Variants in ASRGL1 observed in about 807,000 individuals in gnomAD.
ASRGL1 encodes asparaginase and isoaspartyl peptidase 1.
ASRGL1 carries 16 observed loss-of-function variants against 22.4 expected under a neutral mutation model. The observed-to-expected ratio is 0.71, with a 90% CI of 0.48 to 1.08. ASRGL1 has a LOEUF of 1.08. Among genes scored for constraint, ASRGL1 ranks in the 50% least tolerant of loss-of-function variants. The pLI, the probability that ASRGL1 is intolerant of heterozygous loss-of-function variation, is 0.00. For missense variants in ASRGL1, 412 were observed against 410.1 expected, an observed-to-expected ratio of 1.00 and a Z score of -0.04; for synonymous variants, 165 against 159.3, an observed-to-expected ratio of 1.04 and a Z score of -0.27.
intron 4 of ASRGL1, among the ~76,000 whole-genome samples, chr11:62,368,950 A>G (rs1436375903): frequency 6.6e-6 from 1 of 152,140 alleles, no homozygotes; most frequent in Non-Finnish European, 1.5e-5. Flanking sequence ...TTGCCCAGGG[A>G]TGAGCAGGAG....
At chr11:62,362,511 CATATATTATTTATATAAT>C (rs1946463619) in intron 4 of ASRGL1, among the ~76,000 whole-genome samples, 15 of 39,132 alleles carry the variant, frequency 3.8e-4, no homozygotes, top group Non-Finnish European at 4.5e-5. Flanking sequence ...AAATATATAA[CATATATTATTTATATAAT>C]ATATATTATA....
chr11:62,355,345 C>T (rs1412224243), intron 2 of ASRGL1, among the ~76,000 whole-genome samples: 1 of 152,162 alleles, frequency 6.6e-6, no homozygotes, highest in Non-Finnish European at 1.5e-5. Flanking sequence ...CCTGCCTCAG[C>T]CTCCCGAGTA....
At position 62,389,415 on chromosome 11, in the gene ASRGL1, C is replaced by T. The variant is rs747623131; in HGVS notation, c.610+164C>T. 2.8e-5 allele frequency: 21 copies of T among 742,042 alleles called. No homozygotes were observed. In the Admixed American group the frequency reaches 3.2e-4, roughly 11 times the overall value. 46.0% of individuals were successfully genotyped at this position (742,042 alleles called of 1,614,324 possible). ...GACAATGGGGTTGGAAGGGGTTGTTCGGGGTGCTGCCTTGAGAGGGTGTTT... is the reference window on the plus strand; with the variant it reads ...GACAATGGGGTTGGAAGGGGTTGTTTGGGGTGCTGCCTTGAGAGGGTGTTT... On this transcript the variant is annotated intron_variant, in intron 5 of 6. Transcript: ENST00000415229.
At chr11:62,387,888 G>A (rs1358602440) in intron 4 of ASRGL1, among the ~76,000 whole-genome samples, 1 of 152,146 alleles carries the variant, frequency 6.6e-6, no homozygotes, top group Non-Finnish European at 1.5e-5. Context: ...TGGGTATGCT[G>A]GGGTGTTCGT....
In ASRGL1 at chr11:62,392,644, C is replaced by A; in HGVS notation, c.*360C>A. ...ATCCTGACATGACAGATGTGGGAGA[C>A]CCACAGCCTGCAGACACTGTGGGCT... On this transcript the variant is annotated 3_prime_UTR_variant, in exon 7 of 7. Coordinates refer to ENST00000415229, the MANE Select transcript of ASRGL1 (RefSeq NM_001083926.2). The A allele has an allele frequency of 3.5e-6, 1 of 285,174 alleles. No individual in the cohort carries two copies. Among genetic ancestry groups the A allele is most frequent in the South Asian group, 3.7e-5 (1 of 27,038 alleles). The allele number at this position is 285,174 out of a possible 1,614,324, so 17.7% of individuals were successfully genotyped here. A position where few individuals can be genotyped will look rare whatever the true frequency, so the allele number is the denominator to read the frequency against.
intron 4 of ASRGL1, chr11:62,372,804 A>G: frequency 6.3e-7 from 1 of 1,589,858 alleles, no homozygotes; most frequent in South Asian, 1.1e-5. Flanking sequence ...CTTTGCCGTC[A>G]GTGAAGTGGG....
chr11:62,388,140 G>T (rs1565175340), intron 4 of ASRGL1, among the ~76,000 whole-genome samples: 2 of 152,304 alleles, frequency 1.3e-5, no homozygotes, highest in Middle Eastern at 3.4e-3. Flanking sequence ...TCACACAATG[G>T]TAAGTACTTG....
At chr11:62,379,621 A>G (rs1298429575) in intron 4 of ASRGL1, among the ~76,000 whole-genome samples, 2 of 152,166 alleles carry the variant, frequency 1.3e-5, no homozygotes, top group Non-Finnish European at 2.9e-5. Flanking sequence ...CCCCTCAGGC[A>G]GGGGGCCATA....
chr11:62,375,231 G>T (rs1306382096), intron 4 of ASRGL1, among the ~76,000 whole-genome samples: 1 of 151,746 alleles, frequency 6.6e-6, no homozygotes, highest in Non-Finnish European at 1.5e-5. Context: ...AGAGTTGTGG[G>T]GGAAGGGTGC....
At chr11:62,357,178 G>A in intron 4 of ASRGL1, 34 bp downstream of exon 4, 1 of 1,590,644 alleles carries the variant, frequency 6.3e-7, no homozygotes, top group Non-Finnish European at 8.5e-7. Flanking sequence ...TTATTTGGGA[G>A]TTATTAAAAT....
chr11:62,371,810 C>A (rs376551697), intron 4 of ASRGL1: 80 of 484,872 alleles, frequency 1.6e-4, no homozygotes, highest in Non-Finnish European at 1.0e-4. Flanking sequence ...AAAAATTAGC[C>A]GGGCGTGGTG....
intron 4 of ASRGL1, among the ~76,000 whole-genome samples, chr11:62,367,574 G>T (rs768060929): frequency 6.6e-6 from 1 of 151,818 alleles, no homozygotes; most frequent in Non-Finnish European, 1.5e-5. Context: ...CACCCAGGAG[G>T]TGGAGGTTGC....
chr11:62,380,291 AC>A (rs1242503786), intron 4 of ASRGL1, among the ~76,000 whole-genome samples: 1 of 152,082 alleles, frequency 6.6e-6, no homozygotes, highest in Non-Finnish European at 1.5e-5. Context: ...CTATGACCTT[AC>A]GGGCATTTTC....
chr11:62,387,510 C>T (rs1947243373), intron 4 of ASRGL1, among the ~76,000 whole-genome samples: 1 of 152,136 alleles, frequency 6.6e-6, no homozygotes, highest in Admixed American at 6.5e-5. Flanking sequence ...CCACGCTCTC[C>T]CTCATTTTAT....
chr11:62,372,091 A>C (rs1373609370), intron 4 of ASRGL1: 1 of 773,544 alleles, frequency 1.3e-6, no homozygotes, highest in Non-Finnish European at 2.4e-6. Flanking sequence ...CCTGTGCTGC[A>C]CACAGCCTCC....
chr11:62,363,703 G>A (rs2134634486), intron 4 of ASRGL1, among the ~76,000 whole-genome samples: 1 of 152,248 alleles, frequency 6.6e-6, no homozygotes, highest in Admixed American at 6.5e-5. Flanking sequence ...CTAAATCTAA[G>A]TACTGCTTTG....
intron 4 of ASRGL1, among the ~76,000 whole-genome samples, chr11:62,358,686 G>A (rs1946363514): frequency 6.6e-6 from 1 of 152,092 alleles, no homozygotes. Context: ...ACTCAACATT[G>A]GCACAGCTTG....
chr11:62,344,917 A>G lies in ASRGL1; in HGVS notation c.190+6750A>G, dbSNP rs193107289. Among the ~76,000 whole-genome samples, 17 of 152,188 alleles carry G rather than the reference A, an allele frequency of 1.1e-4. No homozygotes were observed. In the East Asian group the frequency reaches 2.3e-3, roughly 21 times the overall value. On this transcript the variant is annotated intron_variant, in intron 2 of 6. Coordinates refer to ENST00000415229, the MANE Select transcript of ASRGL1 (RefSeq NM_001083926.2). ...AACCATCTTTTTACTCTCTATCTTC[A>G]TGAGTTCAATTGCTTTGACTTCTAG...
intron 4 of ASRGL1, among the ~76,000 whole-genome samples, chr11:62,373,460 G>A (rs563326142): frequency 1.3e-5 from 2 of 151,680 alleles, no homozygotes; most frequent in Admixed American, 6.6e-5. Context: ...AGCAATCTAG[G>A]TGTTTTTTTT....
Sources: gnomAD v4.1 joint callset for allele counts (sites outside exome capture counted in the v4.1 genomes callset) on GRCh38, gnomAD v4.1.1 for gene constraint, MANE v1.5 for transcripts, NCBI Gene and HGNC (gene_info 2026-07-23, HGNC 2026-07-21) for gene names.